RGS3: variants seen among roughly 807,000 people sequenced by gnomAD.
The protein encoded by RGS3 is regulator of G-protein signalling 3.
Under a neutral mutation model 132.6 loss-of-function variants are expected in RGS3, and 80 were observed. The observed-to-expected ratio is 0.60, with a 90% CI of 0.50 to 0.73. The LOEUF (loss-of-function observed/expected upper bound fraction) is 0.73, where lower values mean the gene tolerates loss of function less well. RGS3 is among the 30% of genes least tolerant of loss of function. The pLI, the probability that RGS3 is intolerant of heterozygous loss-of-function variation, is 0.00. For synonymous variants in RGS3, 598 were observed against 620.6 expected (o/e 0.96, Z 0.54); for missense variants, 1,382 against 1,530.8 (o/e 0.90, Z 1.62).
At chr9:113,485,139 G>C (rs773696517) in intron 6 of RGS3, among the ~76,000 whole-genome samples, 76 of 151,984 alleles carry the variant, frequency 5.0e-4, no homozygotes, top group Non-Finnish European at 1.1e-3. Context: ...CCAGGCTGGA[G>C]TGCAGTGGCA....
At chr9:113,593,831 T>C (rs954275463) in intron 21 of RGS3, 1 of 1,288,864 alleles carries the variant, frequency 7.8e-7, no homozygotes, top group South Asian at 1.4e-5. Flanking sequence ...GCCACCCCGG[T>C]GGTGGGCAGT....
intron 19 of RGS3, chr9:113,581,910 C>T: frequency 4.3e-6 from 2 of 462,764 alleles, no homozygotes; most frequent in Non-Finnish European, 5.7e-6. Flanking sequence ...AAGGCGTGCC[C>T]TTCCCGACCT....
At chr9:113,446,538 C>A (rs1440588427) in intron 1 of RGS3, among the ~76,000 whole-genome samples, 2 of 152,244 alleles carry the variant, frequency 1.3e-5, no homozygotes, top group Middle Eastern at 6.8e-3. Context: ...ACCAAAGAAA[C>A]GTCTTAATGA....
chr9:113,524,215 CCCCT>C (rs1442742599), intron 17 of RGS3, among the ~76,000 whole-genome samples: 2 of 152,188 alleles, frequency 1.3e-5, no homozygotes, highest in African/African-American at 4.8e-5. Context: ...ATACCCCCAG[CCCCT>C]CCCTGGCTCC....
intron 19 of RGS3, among the ~76,000 whole-genome samples, chr9:113,553,268 C>T (rs1371706150): frequency 2.0e-5 from 3 of 148,146 alleles, no homozygotes; most frequent in Non-Finnish European, 3.0e-5. Flanking sequence ...ATAGTGAGAC[C>T]CCATCGCTAC....
At chr9:113,541,328 C>T (rs994328553) in intron 19 of RGS3, 2 of 1,613,316 alleles carry the variant, frequency 1.2e-6, no homozygotes, top group Admixed American at 3.3e-5. Context: ...AGAAACTCCA[C>T]CCTTTCGGCT....
upstream of RGS3, among the ~76,000 whole-genome samples, chr9:113,456,222 C>T (rs532711451): frequency 1.4e-4 from 21 of 152,276 alleles, no homozygotes. Context: ...TGTGGGCTGT[C>T]TTATGCATGC....
At chr9:113,464,360 A>G (rs993825140) in intron 3 of RGS3, among the ~76,000 whole-genome samples, 1 of 152,164 alleles carries the variant, frequency 6.6e-6, no homozygotes, top group Non-Finnish European at 1.5e-5. Context: ...CACAGTGGAG[A>G]TGGGAGAATT....
upstream of RGS3, among the ~76,000 whole-genome samples, chr9:113,459,481 G>C (rs570632008): frequency 1.1e-4 from 17 of 152,266 alleles, no homozygotes; most frequent in Admixed American, 1.3e-4. Flanking sequence ...CCAGCACGGT[G>C]GTTCACGCCT....
intron 2 of RGS3, chr9:113,461,920 T>C: frequency 6.3e-7 from 1 of 1,595,860 alleles, no homozygotes; most frequent in Non-Finnish European, 8.5e-7. Context: ...CTTTGCTGTT[T>C]CCTGAACACC....
intron 10 of RGS3, among the ~76,000 whole-genome samples, chr9:113,500,047 A>G (rs911842372): frequency 6.8e-4 from 104 of 152,106 alleles, no homozygotes; most frequent in African/African-American, 2.4e-3. Flanking sequence ...TCAACACCGT[A>G]AGTTTGCTTC....
intron 20 of RGS3, among the ~76,000 whole-genome samples, chr9:113,587,161 G>T (rs775473018): frequency 7.3e-5 from 11 of 151,314 alleles, no homozygotes; most frequent in Non-Finnish European, 1.2e-4. Flanking sequence ...ACTGGACAAG[G>T]CCTCACCATT....
intron 19 of RGS3, among the ~76,000 whole-genome samples, chr9:113,571,564 AT>A (rs113069800): frequency 9.9e-5 from 15 of 150,960 alleles, no homozygotes; most frequent in East Asian, 7.8e-4. Context: ...TTCCTATTGG[AT>A]TTTTTTTTCT....
intron 19 of RGS3, among the ~76,000 whole-genome samples, chr9:113,558,380 G>A (rs1364431727): frequency 6.6e-6 from 1 of 152,138 alleles, no homozygotes; most frequent in East Asian, 1.9e-4. Flanking sequence ...GTGGGCGCCT[G>A]TAATCCCAGC....
At chr9:113,480,095 G>A (rs1456941903) in intron 4 of RGS3, among the ~76,000 whole-genome samples, 1 of 152,224 alleles carries the variant, frequency 6.6e-6, no homozygotes, top group African/African-American at 2.4e-5. Flanking sequence ...GATTAAGTGA[G>A]TTACTGTTAG....
chr9:113,570,833 A>C (rs1184210824), intron 19 of RGS3, among the ~76,000 whole-genome samples: 1 of 152,002 alleles, frequency 6.6e-6, no homozygotes, highest in African/African-American at 2.4e-5. Context: ...GACAGGTTTC[A>C]CTATGTTGGC....
exon 3 of RGS3, chr9:113,462,041 C>T: frequency 6.2e-7 from 1 of 1,613,884 alleles, no homozygotes; most frequent in Non-Finnish European, 8.5e-7. Flanking sequence ...TCTCTGTGCT[C>T]AGTGTCCTCT....
At chr9:113,468,574 A>T (rs1310578650) in intron 3 of RGS3, among the ~76,000 whole-genome samples, 2 of 152,196 alleles carry the variant, frequency 1.3e-5, no homozygotes, top group Non-Finnish European at 2.9e-5. Flanking sequence ...ATAATATTTT[A>T]TATAGAAAAT....
At chr9:113,495,669 G>A (rs896969815) in intron 7 of RGS3, 117 bp from the exon 6 acceptor site, 1 of 807,206 alleles carries the variant, frequency 1.2e-6, no homozygotes, top group African/African-American at 1.7e-5. Context: ...GAGATGATGT[G>A]GGTAAAAAGC....
Sources: allele counts gnomAD v4.1 joint callset (sites outside exome capture counted in the v4.1 genomes callset), GRCh38; gene constraint gnomAD v4.1.1; transcripts MANE v1.5; gene names NCBI Gene and HGNC (gene_info 2026-07-23, HGNC 2026-07-21).